Variants in GPC5 observed in about 807,000 individuals in gnomAD.
The protein encoded by GPC5 is glypican 5.
Under a neutral mutation model 53.9 loss-of-function variants are expected in GPC5, and 47 were observed. That is an observed-to-expected ratio of 0.87 (90% CI 0.69 to 1.11). GPC5 has a LOEUF of 1.11. Ranked by LOEUF, GPC5 falls within the 50% of genes most tolerant of loss-of-function variation. The pLI is 0.00. For missense variants in GPC5, 748 were observed against 713.1 expected (o/e 1.05, Z -0.56); for synonymous variants, 286 against 263.3 (o/e 1.09, Z -0.84).
intron 2 of GPC5, among the ~76,000 whole-genome samples, chr13:91,637,432 T>G (rs2034311971): frequency 2.6e-5 from 4 of 152,292 alleles, no homozygotes; most frequent in Admixed American, 1.3e-4. Context: ...AAAAAGACAT[T>G]CCCAGGCAAC....
At chr13:92,513,262 T>C (rs565202876) in intron 7 of GPC5, among the ~76,000 whole-genome samples, 1 of 152,298 alleles carries the variant, frequency 6.6e-6, no homozygotes, top group African/African-American at 2.4e-5. Context: ...TTAGGAATCA[T>C]TGACAGTGTG....
intron 7 of GPC5, among the ~76,000 whole-genome samples, chr13:92,468,812 G>A (rs1225700202): frequency 6.6e-6 from 1 of 152,020 alleles, no homozygotes; most frequent in Non-Finnish European, 1.5e-5. Context: ...ACAGTCCCTT[G>A]CAAAGCATCA....
intron 5 of GPC5, among the ~76,000 whole-genome samples, chr13:91,885,418 A>G (rs560664300): frequency 2.0e-5 from 3 of 152,266 alleles, no homozygotes; most frequent in Admixed American, 1.3e-4. Flanking sequence ...AATATGGAGT[A>G]CCTTTCCTTG....
intron 5 of GPC5, among the ~76,000 whole-genome samples, chr13:91,780,050 G>T (rs1464627173): frequency 6.6e-6 from 1 of 152,138 alleles, no homozygotes; most frequent in Non-Finnish European, 1.5e-5. Context: ...CAGTAGGTTT[G>T]TTTATACCAG....
intron 5 of GPC5, among the ~76,000 whole-genome samples, chr13:91,830,755 T>C (rs887957297): frequency 2.1e-5 from 3 of 140,508 alleles, no homozygotes; most frequent in Non-Finnish European, 3.0e-5. Flanking sequence ...AATATACACA[T>C]ATATATATCC....
chr13:91,551,630 C>A (rs2030645501), intron 2 of GPC5, among the ~76,000 whole-genome samples: 1 of 151,996 alleles, frequency 6.6e-6, no homozygotes. Flanking sequence ...ATGGGGATAG[C>A]AAATAATAGC....
chr13:92,666,190 T>C (rs1466802857), intron 7 of GPC5, among the ~76,000 whole-genome samples: 3 of 152,200 alleles, frequency 2.0e-5, no homozygotes, highest in African/African-American at 7.2e-5. Context: ...CAGGGATGGA[T>C]TTTCTTTTGT....
intron 2 of GPC5, among the ~76,000 whole-genome samples, chr13:91,585,600 G>A (rs779264696): frequency 1.5e-4 from 23 of 152,128 alleles, no homozygotes; most frequent in African/African-American, 4.8e-4. Context: ...AATCTGTGGC[G>A]TTTGACCCAA....
chr13:91,571,300 GA>G (rs1268456461), intron 2 of GPC5, among the ~76,000 whole-genome samples: 2 of 152,076 alleles, frequency 1.3e-5, no homozygotes, highest in Non-Finnish European at 1.5e-5. Context: ...TCAGATAGAG[GA>G]AAAATGATTT....
At chr13:91,585,273 G>C (rs1308072310) in intron 2 of GPC5, among the ~76,000 whole-genome samples, 2 of 152,070 alleles carry the variant, frequency 1.3e-5, no homozygotes, top group Admixed American at 6.6e-5. Flanking sequence ...CTATAACCCA[G>C]CAATCCCACT....
intron 7 of GPC5, among the ~76,000 whole-genome samples, chr13:92,532,245 G>A (rs1313859961): frequency 6.6e-6 from 1 of 152,036 alleles, no homozygotes; most frequent in East Asian, 1.9e-4. Flanking sequence ...TTTGACCTCA[G>A]TAAGACAATC....
At position 91,412,552 on chromosome 13, in the gene GPC5, A is replaced by G. The variant is rs534395288; in HGVS notation, c.163+13343A>G. Among the ~76,000 whole-genome samples, 12 of 152,366 alleles carry G rather than the reference A, an allele frequency of 7.9e-5. No homozygotes were observed. In the South Asian group the frequency reaches 1.2e-3, roughly 16 times the overall value. Reference sequence around the variant, plus strand: ...AAATTGGTAACAAATACACAAATATACCATGTGAAATGAAAAAAGAACATA... The same window carrying G: ...AAATTGGTAACAAATACACAAATATGCCATGTGAAATGAAAAAAGAACATA... On this transcript the variant is annotated intron_variant, in intron 1 of 7. Coordinates refer to ENST00000377067, the MANE Select transcript of GPC5 (RefSeq NM_004466.6).
chr13:92,397,362 C>G (rs1479105148), intron 7 of GPC5, among the ~76,000 whole-genome samples: 1 of 152,182 alleles, frequency 6.6e-6, no homozygotes, highest in African/African-American at 2.4e-5. Flanking sequence ...TTACTTGGCT[C>G]TCTAATTCTC....
intron 6 of GPC5, among the ~76,000 whole-genome samples, chr13:92,127,500 T>G (rs542303939): frequency 1.7e-4 from 26 of 152,292 alleles, no homozygotes; most frequent in African/African-American, 5.5e-4. Context: ...AGGGTTCCCC[T>G]AAACAGGGTT....
chr13:91,831,880 G>A (rs547333870), intron 5 of GPC5, among the ~76,000 whole-genome samples: 1 of 152,070 alleles, frequency 6.6e-6, no homozygotes, highest in African/African-American at 2.4e-5. Flanking sequence ...TACTTCCAAT[G>A]ATGTGGTCAA....
At chr13:92,476,245 AC>A (rs1879123172) in intron 7 of GPC5, among the ~76,000 whole-genome samples, 1 of 152,226 alleles carries the variant, frequency 6.6e-6, no homozygotes, top group Non-Finnish European at 1.5e-5. Context: ...ACATGAACAG[AC>A]ACTTCTCAAA....
At chr13:91,676,524 T>G (rs2035387829) in intron 2 of GPC5, among the ~76,000 whole-genome samples, 1 of 152,320 alleles carries the variant, frequency 6.6e-6, no homozygotes, top group South Asian at 2.1e-4. Context: ...GGGTAGCAAC[T>G]TAGAGTAGTT....
intron 7 of GPC5, among the ~76,000 whole-genome samples, chr13:92,576,171 A>T (rs1393197379): frequency 6.6e-6 from 1 of 152,346 alleles, no homozygotes; most frequent in South Asian, 2.1e-4. Flanking sequence ...TCTTCATAAC[A>T]TTAGTTTTTG....
Position 92,136,274 on chromosome 13 carries a change from T to C in GPC5, c.1402-8556T>C, listed in dbSNP as rs114770391. Among the ~76,000 whole-genome samples, 865 of 152,324 alleles carry C rather than the reference T, an allele frequency of 5.7e-3. 14 individuals carry two copies. Among genetic ancestry groups the C allele is most frequent in the African/African-American group, 0.02 (826 of 41,576 alleles). On this transcript the variant is annotated intron_variant, in intron 6 of 7. Coordinates refer to ENST00000377067, the MANE Select transcript of GPC5 (RefSeq NM_004466.6). ...ATTTCATACACATTTCCTTATGGGT[T>C]TCACTTAGTCTCCATGAAATTGCAG...
Sources: gnomAD v4.1 joint callset for allele counts (sites outside exome capture counted in the v4.1 genomes callset) on GRCh38, gnomAD v4.1.1 for gene constraint, MANE v1.5 for transcripts, NCBI Gene and HGNC (gene_info 2026-07-23, HGNC 2026-07-21) for gene names.